Variants in TMF1 observed in about 807,000 individuals in gnomAD.
TMF1 encodes TATA element modulatory factor 1.
In TMF1, 71 loss-of-function variants were observed where a neutral mutation model predicts 126.5. The observed-to-expected ratio is 0.56, with a 90% CI of 0.46 to 0.68. The LOEUF is 0.68. TMF1 is among the 30% of genes least tolerant of loss of function. The pLI is 0.00. For missense variants in TMF1, 1,259 were observed against 1,253.2 expected (o/e 1.00, Z -0.07); for synonymous variants, 461 against 430.5 (o/e 1.07, Z -0.88).
At position 69,038,895 on chromosome 3, in the gene TMF1, C is replaced by T. The variant is rs1253045731; in HGVS notation, c.1942G>A (p.Glu648Lys). Residue 648 changes from glutamate (E) to lysine (K), a missense_variant, in exon 7 of 17, where the codon GAA (glutamate) becomes AAA (lysine). Coordinates refer to ENST00000398559, the MANE Select transcript of TMF1 (RefSeq NM_007114.3). The stretch of plus-strand genomic sequence containing the variant: ...ATACTTCGGTTCTTTTCTTCAAGTT[C>T]ATCCATGTCTACCTGAAGACGGCCA... ...DLGRLQVDMD[E>K]LEEKNRSIQA... 1.2e-6 allele frequency: 2 copies of T among 1,611,918 alleles called. No homozygotes were observed. Among genetic ancestry groups the T allele is most frequent in the South Asian group, 1.1e-5 (1 of 90,516 alleles).
At chr3:69,048,725 T>A in intron 1 of TMF1, 163 bp from the exon 2 acceptor site, 2 of 633,728 alleles carry the variant, frequency 3.2e-6, no homozygotes, top group Non-Finnish European at 4.9e-6. Context: ...ATTAAGTAGT[T>A]TCCAAGTTAA....
chr3:69,039,839 G>A (rs2091853724), intron 5 of TMF1, 146 bp from the exon 6 acceptor site: 3 of 844,404 alleles, frequency 3.6e-6, no homozygotes, highest in East Asian at 5.7e-5. Flanking sequence ...AATTTGGACA[G>A]CAATCATCAA....
chr3:69,048,133 G>C lies in TMF1; in HGVS notation c.572C>G (p.Thr191Ser), dbSNP rs1417931603. The change falls in exon 2 of 17, where the codon ACT becomes AGT. Residue 191 changes from threonine (T) to serine (S), a missense_variant. Transcript: ENST00000398559. ...ACTTTCAGATACTTTCAAACTTACA[G>C]TTGGCACCTTCATATCCGATTCTTT... The part of the protein sequence containing the change: ...VNKESDMKVP[T>S]VSLKVSESVI... 3 of 1,614,196 alleles carry C rather than the reference G, an allele frequency of 1.9e-6. No homozygotes were observed. The highest frequency in any genetic ancestry group is 1.7e-6 in the Non-Finnish European group (2 of 1,180,046).
At position 69,047,620 on chromosome 3, in the gene TMF1, G is replaced by C. The variant is rs779831523; in HGVS notation, c.1085C>G (p.Ser362Cys). ...AACTGTTTTAGACTTTGGAGTTGAA[G>C]AATTAACTATAATAGGCACTAAAGC... The part of the protein sequence containing the change: ...GYALVPIIVN[S>C]STPKSKTVES... The change falls in exon 2 of 17, where the codon TCT becomes TGT. Residue 362 changes from serine (S) to cysteine (C), a missense_variant. Coordinates refer to ENST00000398559, the MANE Select transcript of TMF1 (RefSeq NM_007114.3). 6.2e-6 allele frequency: 10 copies of C among 1,614,046 alleles called. No homozygotes were observed. In the East Asian group the frequency reaches 2.2e-4, roughly 36 times the overall value.
At position 69,028,007 on chromosome 3, in the gene TMF1, TAA is replaced by T. The variant is rs745914483; in HGVS notation, c.2665-17_2665-16del. ...TTCAACAATGTCTAATAGAGAGAAATAAAGTTAGACAATTTCTGTGATAGTAA... is the reference window on the plus strand; with the variant it reads ...TTCAACAATGTCTAATAGAGAGAAATAGTTAGACAATTTCTGTGATAGTAA... On this transcript the variant is annotated splice_polypyrimidine_tract_variant and intron_variant, in intron 12 of 16. Coordinates refer to ENST00000398559, the MANE Select transcript of TMF1 (RefSeq NM_007114.3). 7 of 1,448,696 alleles carry T rather than the reference TAA, an allele frequency of 4.8e-6. No individual in the cohort carries two copies. Among genetic ancestry groups the T allele is most frequent in the Non-Finnish European group, 6.7e-6 (7 of 1,039,360 alleles). The allele number at this position is 1,448,696 out of a possible 1,614,324, so 89.7% of individuals were successfully genotyped here.
intron 2 of TMF1, 77 bp from the exon 3 acceptor site, chr3:69,044,672 T>A: frequency 1.1e-6 from 1 of 876,184 alleles, no homozygotes; most frequent in Non-Finnish European, 1.8e-6. Context: ...TGTATCACTG[T>A]AACAAAGAAA....
intron 5 of TMF1, chr3:69,042,330 A>G (rs2091870963): frequency 4.4e-6 from 2 of 455,788 alleles, no homozygotes; most frequent in Non-Finnish European, 8.8e-6. Flanking sequence ...AAGCCACCAC[A>G]CTCAGCCAAC....
chr3:69,048,273 A>G lies in TMF1; in HGVS notation c.432T>C (p.Thr144=). ...TTACTTGTGATTCAGTTGTTTCAGG[A>G]GTTCTTGACTGGCCAATGTGCAAGG... ...HESLHIGQSR[T]PETTESQVKD... is the part of the protein sequence containing the mutation. Residue 144 remains threonine, a synonymous_variant, in exon 2 of 17, where the codon ACT becomes ACC. Transcript: ENST00000398559. The G allele has an allele frequency of 6.2e-7, 1 of 1,614,182 alleles. No homozygotes were observed. Among genetic ancestry groups the G allele is most frequent in the Non-Finnish European group, 8.5e-7 (1 of 1,180,032 alleles).
intron 9 of TMF1, among the ~76,000 whole-genome samples, chr3:69,034,253 A>G (rs1043877019): frequency 6.6e-6 from 1 of 152,084 alleles, no homozygotes; most frequent in African/African-American, 2.4e-5. Flanking sequence ...TGGGTGGATC[A>G]CCTGAAGTCA....
chr3:69,033,146 C>T (rs539359433), intron 10 of TMF1, among the ~76,000 whole-genome samples: 9 of 151,768 alleles, frequency 5.9e-5, no homozygotes, highest in East Asian at 3.9e-4. Context: ...TGGTGGCAGA[C>T]GCCTGTAATC....
intron 14 of TMF1, 39 bp from the exon 15 acceptor site, chr3:69,025,751 T>G: frequency 6.3e-7 from 1 of 1,580,306 alleles, no homozygotes; most frequent in Non-Finnish European, 8.6e-7. Flanking sequence ...TACTCAGTTA[T>G]CATAGCTTGT....
At position 69,027,886 on chromosome 3, in the gene TMF1, A is replaced by G; in HGVS notation, c.2757+14T>C. ...ATGGTTACACCACAAACAAACAAAA[A>G]CAAAATTCAATACCTTTTCTTTTAT... On this transcript the variant is annotated intron_variant, in intron 13 of 16. Transcript: ENST00000398559. 1 of 1,442,052 alleles carries G rather than the reference A, an allele frequency of 6.9e-7. No individual in the cohort carries two copies. The highest frequency in any genetic ancestry group is 9.7e-7 in the Non-Finnish European group (1 of 1,035,540). 89.3% of individuals were successfully genotyped at this position (1,442,052 alleles called of 1,614,324 possible). A position where few individuals can be genotyped will look rare whatever the true frequency, so the allele number is the denominator to read the frequency against.
At chr3:69,037,498 C>A (rs546442311) in intron 8 of TMF1, among the ~76,000 whole-genome samples, 1 of 152,006 alleles carries the variant, frequency 6.6e-6, no homozygotes, top group African/African-American at 2.4e-5. Context: ...AAAAATTAGC[C>A]GGGCATGGTG....
At chr3:69,026,517 T>C (rs1235977180) in intron 13 of TMF1, among the ~76,000 whole-genome samples, 3 of 152,112 alleles carry the variant, frequency 2.0e-5, no homozygotes, top group African/African-American at 7.2e-5. Context: ...CGCTTGAACC[T>C]GGGAGGTGAG....
At chr3:69,034,662 C>T (rs1030025220) in intron 9 of TMF1, among the ~76,000 whole-genome samples, 2 of 152,090 alleles carry the variant, frequency 1.3e-5, no homozygotes, top group African/African-American at 2.4e-5. Context: ...TCTCCCTTTT[C>T]CTCTGCATGT....
At chr3:69,037,362 G>A (rs528160839) in intron 8 of TMF1, among the ~76,000 whole-genome samples, 2 of 152,236 alleles carry the variant, frequency 1.3e-5, no homozygotes, top group East Asian at 1.9e-4. Flanking sequence ...CAGGGTGGCC[G>A]GGCATGGTGG....
At chr3:69,023,943 T>C in intron 16 of TMF1, 112 bp downstream of exon 16, 2 of 991,970 alleles carry the variant, frequency 2.0e-6, no homozygotes, top group Non-Finnish European at 2.8e-6. Context: ...CAAATATTAG[T>C]ACTCTTTAAT....
chr3:69,039,765 A>G (rs1391848854), intron 5 of TMF1, 72 bp from the exon 6 acceptor site: 2 of 1,490,038 alleles, frequency 1.3e-6, no homozygotes, highest in Non-Finnish European at 9.0e-7. Context: ...TGTTTTATCT[A>G]ATAGTAACAT....
At chr3:69,048,727 C>G in intron 1 of TMF1, 165 bp from the exon 2 acceptor site, 2 of 620,912 alleles carry the variant, frequency 3.2e-6, no homozygotes, top group Non-Finnish European at 5.1e-6. Context: ...TAAGTAGTTT[C>G]CAAGTTAATA....
Sources: gnomAD v4.1 joint callset for allele counts (sites outside exome capture counted in the v4.1 genomes callset) on GRCh38, gnomAD v4.1.1 for gene constraint, MANE v1.5 for transcripts, NCBI Gene and HGNC (gene_info 2026-07-23, HGNC 2026-07-21) for gene names.